The following CLDN2 variants were observed in gnomAD, a reference collection of about 807,000 sequenced individuals.
CLDN2 encodes claudin 2.
CLDN2 carries 1 observed loss-of-function variant against 8.2 expected under a neutral mutation model. The observed-to-expected ratio is 0.12, with a 90% confidence interval of 0.04 to 0.58. CLDN2 has a LOEUF of 0.58. Ranked by LOEUF, CLDN2 falls within the 20% of genes least tolerant of loss-of-function variation. The probability of loss-of-function intolerance (pLI) is 0.90; values close to 1 mark genes in which losing one functional copy is unlikely to be tolerated. For synonymous variants in CLDN2, 70 were observed against 70.2 expected (o/e 1.00, Z 0.01); for missense variants, 108 against 172.9 (o/e 0.62, Z 2.11).
chrX:106,927,001 T>C (rs1272139979), intron 1 of CLDN2, among the ~76,000 whole-genome samples: 2 of 110,231 alleles, frequency 1.8e-5, no homozygotes, highest in Non-Finnish European at 3.8e-5. Context: ...GAGGATCACT[T>C]GAGCCCAGGA....
At chrX:106,926,454 G>A (rs1300725687) in intron 1 of CLDN2, among the ~76,000 whole-genome samples, 1 of 111,114 alleles carries the variant, frequency 9.0e-6, no homozygotes, top group Non-Finnish European at 1.9e-5. Context: ...GGGACAGAGT[G>A]TTAATTGAGA....
intron 1 of CLDN2, among the ~76,000 whole-genome samples, chrX:106,902,639 T>A (rs1272627469): frequency 8.9e-6 from 1 of 112,193 alleles, no homozygotes; most frequent in Non-Finnish European, 1.9e-5. Context: ...ACCATCTTCC[T>A]GGGCTGAAGA....
chrX:106,928,463 G>A lies in CLDN2; in HGVS notation c.235G>A (p.Ala79Thr). ...TLLGLPADIQ[A>T]AQAMMVTSSA... ...TCTGGGCCTGCCCGCTGACATCCAGGCTGCCCAGGCCATGATGGTGACATC... is the reference window on the plus strand; with the variant it reads ...TCTGGGCCTGCCCGCTGACATCCAGACTGCCCAGGCCATGATGGTGACATC... The change falls in exon 2 of 2, where the codon GCT becomes ACT. Residue 79 changes from alanine (A) to threonine (T), a missense_variant. Around this residue, in one of 2 missense-constraint regions of CLDN2, gnomAD observed 27 missense variants for 72.2 expected, o/e 0.37. Coordinates refer to ENST00000336803, the MANE Select transcript of CLDN2 (RefSeq NM_020384.4). 8.3e-7 allele frequency: 1 copy of A among 1,211,768 alleles called. No homozygotes were observed. The highest frequency in any genetic ancestry group is 3.0e-5 in the East Asian group (1 of 33,825).
chrX:106,922,973 T>C (rs1047413073), intron 1 of CLDN2, among the ~76,000 whole-genome samples: 1 of 18,460 alleles, frequency 5.4e-5, no homozygotes, highest in East Asian at 0.053. Context: ...GCTCTGAAGA[T>C]TTTTTTTTTT....
Position 106,928,193 on chromosome X carries a change from G to A in CLDN2, c.-36G>A, listed in dbSNP as rs1394396016. 2.8e-6 allele frequency: 3 copies of A among 1,065,013 alleles called. No individual in the cohort carries two copies. Among genetic ancestry groups the A allele is most frequent in the Non-Finnish European group, 3.9e-6 (3 of 772,727 alleles). 87.8% of individuals were successfully genotyped at this position (1,065,013 alleles called of 1,213,427 possible). The stretch of plus-strand genomic sequence containing the variant: ...AGAGCTTCAGCCTGAAGACAAGGGA[G>A]CAGTCCCTGAAGACGCTTCTACTGA... On this transcript the variant is annotated 5_prime_UTR_variant, in exon 2 of 2. Coordinates refer to ENST00000336803, the MANE Select transcript of CLDN2 (RefSeq NM_020384.4).
At position 106,930,626 on chromosome X, in the gene CLDN2, C is replaced by T. The variant is rs773273862; in HGVS notation, c.*1705C>T. The stretch of plus-strand genomic sequence containing the variant: ...TCCTTCATTGAGCCTTCTCTGATCA[C>T]TCCATCCCTCTCCTACCCCTCCCTC... On this transcript the variant is annotated 3_prime_UTR_variant, in exon 2 of 2. Transcript: ENST00000336803. 8.1e-6 allele frequency: 1 copy of T among 123,014 alleles called. No individual in the cohort carries two copies. The highest frequency in any genetic ancestry group is 1.9e-5 in the Non-Finnish European group (1 of 53,154). The allele number at this position is 123,014 out of a possible 1,213,427, so 10.1% of individuals were successfully genotyped here. A position where few individuals can be genotyped will look rare whatever the true frequency, so the allele number is the denominator to read the frequency against.
Position 106,928,724 on chromosome X carries a change from T to G in CLDN2, c.496T>G (p.Leu166Val), listed in dbSNP as rs768614767. Residue 166 changes from leucine (L) to valine (V), a missense_variant, in exon 2 of 2, where the codon TTG becomes GTG. This residue lies in a region of CLDN2 where 81 missense variants were observed against 100.8 expected (regional missense o/e 0.80). Transcript: ENST00000336803. ...ATTTGAGATTGGAGAGGCTCTTTACTTGGGCATTATTTCTTCCCTGTTCTC... is the reference window on the plus strand; with the variant it reads ...ATTTGAGATTGGAGAGGCTCTTTACGTGGGCATTATTTCTTCCCTGTTCTC... ...MKFEIGEALY[L>V]GIISSLFSLI... 2 of 1,211,357 alleles carry G rather than the reference T, an allele frequency of 1.7e-6. No individual in the cohort carries two copies. The highest frequency in any genetic ancestry group is 2.2e-5 in the Admixed American group (1 of 46,022).
chrX:106,927,944 C>G, intron 1 of CLDN2, 107 bp from the exon 2 acceptor site: 3 of 211,386 alleles, frequency 1.4e-5, no homozygotes, highest in Non-Finnish European at 1.6e-5. Flanking sequence ...TTTTTCCTTT[C>G]TCATGTGTTA....
chrX:106,923,234 A>G (rs1156606544), intron 1 of CLDN2, among the ~76,000 whole-genome samples: 1 of 112,335 alleles, frequency 8.9e-6, no homozygotes, highest in Non-Finnish European at 1.9e-5. Context: ...CGGCCTCCCA[A>G]AGTGCTGGGA....
chrX:106,924,116 CTT>C (rs992723905), intron 1 of CLDN2, among the ~76,000 whole-genome samples: 4 of 111,115 alleles, frequency 3.6e-5, no homozygotes, highest in Non-Finnish European at 5.7e-5. Flanking sequence ...GAGTTGATAA[CTT>C]TGGTGAGAAT....
At chrX:106,900,534 G>T in intron 1 of CLDN2, 1 of 573,349 alleles carries the variant, frequency 1.7e-6, no homozygotes, top group Non-Finnish European at 2.5e-6. Flanking sequence ...GCAGCTAGAT[G>T]ACCCAATTTT....
intron 1 of CLDN2, among the ~76,000 whole-genome samples, chrX:106,907,696 G>C (rs894171824): frequency 1.1e-5 from 1 of 90,748 alleles, no homozygotes; most frequent in Non-Finnish European, 2.2e-5. Flanking sequence ...GCGAGACTCC[G>C]TCTCAAAATA....
In CLDN2 at chrX:106,909,360, C is replaced by T. The variant is rs776928347; in HGVS notation, c.-179+8856C>T. On this transcript the variant is annotated intron_variant, in intron 1 of 1. Transcript: ENST00000541806. ...CTCCTAACCACTGCCCAGCCCTATCCTGCCACTGGGGAGCAGTGGGGAGAG... is the reference window on the plus strand; with the variant it reads ...CTCCTAACCACTGCCCAGCCCTATCTTGCCACTGGGGAGCAGTGGGGAGAG... Among the ~76,000 whole-genome samples the T allele has an allele frequency of 3.0e-3, 331 of 111,581 alleles. 1 individual carries two copies. Among genetic ancestry groups the T allele is most frequent in the African/African-American group, 0.01 (313 of 30,691 alleles).
upstream of CLDN2, among the ~76,000 whole-genome samples, chrX:106,916,233 C>T (rs887042245): frequency 1.8e-5 from 2 of 110,734 alleles, no homozygotes; most frequent in African/African-American, 6.6e-5. Context: ...GGGAAGCAAC[C>T]GTTAAGCTGA....
At chrX:106,916,151 A>G (rs1323798169), upstream of CLDN2, among the ~76,000 whole-genome samples, 1 of 111,065 alleles carries the variant, frequency 9.0e-6, no homozygotes, top group Non-Finnish European at 1.9e-5. Flanking sequence ...ACCCAAGACA[A>G]TTGGTGGGGG....
At chrX:106,916,194 A>T (rs1233013417), upstream of CLDN2, among the ~76,000 whole-genome samples, 1 of 111,179 alleles carries the variant, frequency 9.0e-6, no homozygotes, top group Non-Finnish European at 1.9e-5. Context: ...ATAGAGGAGG[A>T]ATATCCAACC....
At chrX:106,924,403 A>G (rs149097697) in intron 1 of CLDN2, among the ~76,000 whole-genome samples, 1 of 111,330 alleles carries the variant, frequency 9.0e-6, no homozygotes, top group African/African-American at 3.3e-5. Context: ...AATGAGATAC[A>G]TAGTCATGAT....
At chrX:106,923,449 C>T (rs1054292592) in intron 1 of CLDN2, among the ~76,000 whole-genome samples, 5 of 111,986 alleles carry the variant, frequency 4.5e-5, no homozygotes, top group Admixed American at 9.5e-5. Context: ...AGACAAGAAA[C>T]GATGGTTGCA....
intron 1 of CLDN2, among the ~76,000 whole-genome samples, chrX:106,908,589 GT>G (rs981798112): frequency 1.3e-5 from 1 of 76,938 alleles, no homozygotes; most frequent in Non-Finnish European, 2.6e-5. Context: ...TTTTGTTGTT[GT>G]TTTTTTTGTT....
Sources: gnomAD v4.1 joint callset for allele counts (sites outside exome capture counted in the v4.1 genomes callset) on GRCh38, gnomAD v4.1.1 for gene constraint, gnomAD v4.1.1 regional missense constraint, MANE v1.5 for transcripts, NCBI Gene and HGNC (gene_info 2026-07-23, HGNC 2026-07-21) for gene names.